ADAMTS9: variants seen among roughly 807,000 people sequenced by gnomAD.
The protein encoded by ADAMTS9 is ADAM metallopeptidase with thrombospondin type 1 motif 9.
In ADAMTS9, 107 loss-of-function variants were observed where a neutral mutation model predicts 257.1. The observed-to-expected ratio is 0.42, with a 90% confidence interval of 0.36 to 0.49. The LOEUF is 0.49. ADAMTS9 is among the 20% of genes least tolerant of loss of function. ADAMTS9 has a pLI of 0.03. For missense variants in ADAMTS9, 2,353 were observed against 2,469.1 expected (o/e 0.95, Z 1.00); for synonymous variants, 982 against 880.9 (o/e 1.11, Z -2.03).
chr3:64,667,649 C>T (rs1259380551), intron 3 of ADAMTS9, among the ~76,000 whole-genome samples: 5 of 152,132 alleles, frequency 3.3e-5, no homozygotes, highest in African/African-American at 1.2e-4. Context: ...GTGCACTACC[C>T]CCAAAAGCCC....
intron 16 of ADAMTS9, among the ~76,000 whole-genome samples, chr3:64,630,525 T>A (rs1270982087): frequency 1.3e-5 from 2 of 152,156 alleles, no homozygotes; most frequent in Non-Finnish European, 2.9e-5. Context: ...TGCAGTGAGC[T>A]GTGATCACAC....
intron 16 of ADAMTS9, among the ~76,000 whole-genome samples, chr3:64,623,833 A>AT (rs761133758): frequency 3.9e-4 from 59 of 152,202 alleles, no homozygotes; most frequent in Non-Finnish European, 6.8e-4. Context: ...GAAAGAGCAC[A>AT]TGGCAGGTGC....
intron 30 of ADAMTS9, among the ~76,000 whole-genome samples, chr3:64,554,312 A>G (rs1333902991): frequency 6.6e-6 from 1 of 152,250 alleles, no homozygotes; most frequent in African/African-American, 2.4e-5. Flanking sequence ...CTTTTACAAA[A>G]TTAAAAATTA....
intron 28 of ADAMTS9, among the ~76,000 whole-genome samples, chr3:64,580,429 C>A (rs929446231): frequency 6.6e-6 from 1 of 152,202 alleles, no homozygotes; most frequent in Non-Finnish European, 1.5e-5. Flanking sequence ...AAACTCTCTA[C>A]AGCCAGTCCC....
chr3:64,638,432 G>A (rs759879955), intron 12 of ADAMTS9, among the ~76,000 whole-genome samples: 9 of 152,032 alleles, frequency 5.9e-5, no homozygotes, highest in Non-Finnish European at 1.3e-4. Flanking sequence ...TATTACACAC[G>A]TCTTATAGGC....
rs779335023 is a variant in ADAMTS9, at chr3:64,622,270, T to C, written c.2614A>G (p.Ile872Val). The C allele has an allele frequency of 1.9e-6, 3 of 1,613,970 alleles. No individual in the cohort carries two copies. The highest frequency in any genetic ancestry group is 2.2e-5 in the East Asian group (1 of 44,840). ...TAAAACTGCTGAGGTTTATCTTCAA[T>C]TGGAATATTGAAAGAATAGCGTACA... ...PDVRYSFNIP[I>V]EDKPQQFYWN... Residue 872 changes from isoleucine (I) to valine (V), a missense_variant, in exon 18 of 40, where the codon ATT (isoleucine) becomes GTT (valine). Physicochemically the swap from Ile to Val is conservative, Grantham distance 29 (BLOSUM62 3). Coordinates refer to ENST00000498707, the MANE Select transcript of ADAMTS9 (RefSeq NM_182920.2).
In ADAMTS9 at chr3:64,613,403, G is replaced by T. The variant is rs749575578; in HGVS notation, c.3296C>A (p.Ser1099Tyr). The T allele has an allele frequency of 6.2e-6, 10 of 1,613,906 alleles. No individual in the cohort carries two copies. The East Asian group carries it at 2.2e-4, about 36-fold the overall frequency. The change falls in exon 22 of 40, where the codon TCT becomes TAT. Residue 1099 changes from serine (S) to tyrosine (Y), a missense_variant. Coordinates refer to ENST00000498707, the MANE Select transcript of ADAMTS9 (RefSeq NM_182920.2). ...TTCCGGCTGCTGACAAGTCTGCATA[G>T]ATGTTGGCTTGGTCTCAGGGTCACA... ...RMCDPETKPT[S>Y]MQTCQQPECA...
In ADAMTS9 at chr3:64,616,093, T is replaced by G. The variant is rs763936042; in HGVS notation, c.2891A>C (p.Lys964Thr). ...AGTCTTCCCATCCAGCCTGCTATAT[T>G]TGGCACAGTAGATGTCCAATGTGCG... ...GYRTLDIYCA[K>T]YSRLDGKTEK... The change falls in exon 20 of 40, where the codon AAA becomes ACA. Residue 964 changes from lysine to threonine, a missense_variant. This residue lies in a region of ADAMTS9 where 1,402 missense variants were observed against 1,441.4 expected (regional missense o/e 0.97). Transcript: ENST00000498707. The G allele has an allele frequency of 1.2e-6, 2 of 1,614,132 alleles. No homozygotes were observed. The highest frequency in any genetic ancestry group is 8.5e-7 in the Non-Finnish European group (1 of 1,180,006).
intron 4 of ADAMTS9, 50 bp from the exon 5 acceptor site, chr3:64,655,925 A>G: frequency 1.6e-6 from 2 of 1,217,628 alleles, no homozygotes; most frequent in Non-Finnish European, 2.3e-6. Context: ...CCGTGTAAGC[A>G]ATAAGCAAGT....
intron 28 of ADAMTS9, chr3:64,588,979 G>A (rs965204508): frequency 9.2e-5 from 14 of 152,132 alleles, no homozygotes; most frequent in Non-Finnish European, 1.6e-4. Context: ...ACTCCATACT[G>A]ATACAGCCAA....
At chr3:64,519,088 C>A (rs542448307) in intron 39 of ADAMTS9, among the ~76,000 whole-genome samples, 1 of 152,222 alleles carries the variant, frequency 6.6e-6, no homozygotes, top group Non-Finnish European at 1.5e-5. Flanking sequence ...TCATCATGAT[C>A]TTAAGCAAGT....
chr3:64,540,863 G>A (rs1381924404), intron 36 of ADAMTS9, among the ~76,000 whole-genome samples: 2 of 152,160 alleles, frequency 1.3e-5, no homozygotes, highest in Admixed American at 1.3e-4. Flanking sequence ...TGCCTTGTGC[G>A]AGCCACTTTC....
intron 3 of ADAMTS9, among the ~76,000 whole-genome samples, chr3:64,679,323 TG>T (rs1328675346): frequency 6.6e-6 from 1 of 152,082 alleles, no homozygotes; most frequent in Non-Finnish European, 1.5e-5. Flanking sequence ...ACAGAGAAAA[TG>T]GGTCACGGAA....
Position 64,620,991 on chromosome 3 carries a change from T to C in ADAMTS9, c.2813+123A>G, listed in dbSNP as rs79501484. On this transcript the variant is annotated intron_variant, in intron 19 of 39. Coordinates refer to ENST00000498707, the MANE Select transcript of ADAMTS9 (RefSeq NM_182920.2). ...GGATGGAGAATTGGTTAAAGCTTAT[T>C]TCACTGAAACACAAGAAAGGGGAAC... 2.7e-4 allele frequency: 337 copies of C among 1,252,128 alleles called. 1 individual carries two copies. The East Asian group carries it at 7.1e-3, about 27-fold the overall frequency. The allele number at this position is 1,252,128 out of a possible 1,614,324, so 77.6% of individuals were successfully genotyped here.
rs182816021 is a variant in ADAMTS9 at position 64,586,086 on chromosome 3, T to G, written c.4356+8172A>C. Reference sequence around the variant, plus strand: ...CACTAGCTTAAAATTCAGAAAATCCTAAATTCAAATCCTGGTTCAGCCACT... The same window carrying G: ...CACTAGCTTAAAATTCAGAAAATCCGAAATTCAAATCCTGGTTCAGCCACT... On this transcript the variant is annotated intron_variant, in intron 28 of 39. Coordinates refer to ENST00000498707, the MANE Select transcript of ADAMTS9 (RefSeq NM_182920.2). Among the ~76,000 whole-genome samples, 143 of 152,190 alleles carry G rather than the reference T, an allele frequency of 9.4e-4. 3 individuals carry two copies. Among genetic ancestry groups the G allele is most frequent in the African/African-American group, 3.1e-3 (130 of 41,556 alleles).
At chr3:64,636,936 C>A (rs989559546) in intron 12 of ADAMTS9, among the ~76,000 whole-genome samples, 3 of 152,192 alleles carry the variant, frequency 2.0e-5, no homozygotes, top group Admixed American at 2.0e-4. Context: ...AATTCTGTCA[C>A]TGACTTTGCT....
At chr3:64,532,645 C>T (rs575282094) in intron 38 of ADAMTS9, among the ~76,000 whole-genome samples, 4 of 152,230 alleles carry the variant, frequency 2.6e-5, no homozygotes, top group Admixed American at 6.5e-5. Flanking sequence ...TGATGCACTG[C>T]GTAGACCACA....
intron 12 of ADAMTS9, 92 bp downstream of exon 12, chr3:64,641,756 T>G: frequency 6.7e-7 from 1 of 1,503,592 alleles, no homozygotes; most frequent in Non-Finnish European, 9.1e-7. Flanking sequence ...CTCTCTAAGT[T>G]GGAATGTACT....
At chr3:64,583,818 ACATCCGCT>A (rs1261922994) in intron 28 of ADAMTS9, 1 of 152,206 alleles carries the variant, frequency 6.6e-6, no homozygotes, top group African/African-American at 2.4e-5. Context: ...GGCCTGCTGA[ACATCCGCT>A]CAATGAAGTC....
Sources: gnomAD v4.1 joint callset for allele counts (sites outside exome capture counted in the v4.1 genomes callset) on GRCh38, gnomAD v4.1.1 for gene constraint, gnomAD v4.1.1 regional missense constraint, MANE v1.5 for transcripts, NCBI Gene and HGNC (gene_info 2026-07-23, HGNC 2026-07-21) for gene names.